Variants in DNAJC11 observed in about 807,000 individuals in gnomAD.
DNAJC11 encodes dnaJ homolog subfamily C member 11.
A neutral mutation model predicts 78.6 loss-of-function variants in DNAJC11; 15 were observed. The observed-to-expected ratio is 0.19, with a 90% CI of 0.13 to 0.29. The LOEUF is 0.29. Among genes scored for constraint, DNAJC11 ranks in the 10% least tolerant of loss-of-function variants. The probability of loss-of-function intolerance (pLI) is 1.00; values close to 1 mark genes in which losing one functional copy is unlikely to be tolerated. For missense variants in DNAJC11, 547 were observed against 709.6 expected (o/e 0.77, Z 2.60); for synonymous variants, 292 against 272.1 (o/e 1.07, Z -0.72).
At chr1:6,684,325 G>A (rs373830024) in intron 1 of DNAJC11, among the ~76,000 whole-genome samples, 2 of 152,152 alleles carry the variant, frequency 1.3e-5, no homozygotes, top group African/African-American at 2.4e-5. Context: ...CAGGTGATCC[G>A]CCCGCCTCGG....
At chr1:6,655,091 C>A (rs2148734609) in intron 4 of DNAJC11, among the ~76,000 whole-genome samples, 1 of 152,288 alleles carries the variant, frequency 6.6e-6, no homozygotes, top group East Asian at 1.9e-4. Context: ...GCCACCGCGC[C>A]CAGCTGGTGC....
chr1:6,636,873 G>C (rs946721035), intron 14 of DNAJC11, among the ~76,000 whole-genome samples: 3 of 152,184 alleles, frequency 2.0e-5, no homozygotes, highest in African/African-American at 7.2e-5. Context: ...TTTTGAGACA[G>C]GGTCTTGCTC....
chr1:6,640,071 C>CAA lies in DNAJC11; in HGVS notation c.1098-16_1098-15dup, dbSNP rs56145914. ...GCCCTGTTGAGCCTGGGGAAAAATA[C>CAA]AAAAAAAAAAAAAAAAAAGCCAAGA... On this transcript the variant is annotated splice_polypyrimidine_tract_variant and intron_variant, in intron 10 of 15. Coordinates refer to ENST00000377577, the MANE Select transcript of DNAJC11 (RefSeq NM_018198.4). The CAA allele has an allele frequency of 0.012, 14,168 of 1,209,922 alleles. 5 individuals carry two copies. Among genetic ancestry groups the CAA allele is most frequent in the South Asian group, 0.03 (1,582 of 52,616 alleles). The allele number at this position is 1,209,922 out of a possible 1,614,324, so 74.9% of individuals were successfully genotyped here. A position where few individuals can be genotyped will look rare whatever the true frequency, so the allele number is the denominator to read the frequency against.
intron 4 of DNAJC11, among the ~76,000 whole-genome samples, chr1:6,656,811 C>T (rs1186805624): frequency 6.6e-6 from 1 of 151,342 alleles, no homozygotes; most frequent in African/African-American, 2.4e-5. Flanking sequence ...GGGAGGATTC[C>T]ACTGGGAGGT....
At position 6,680,750 on chromosome 1, in the gene DNAJC11, T is replaced by C. The variant is rs1175031638; in HGVS notation, c.202+158A>G. Among the ~76,000 whole-genome samples the C allele has an allele frequency of 2.0e-5, 3 of 152,254 alleles. No homozygotes were observed. Among genetic ancestry groups the C allele is most frequent in the African/African-American group, 7.2e-5 (3 of 41,462 alleles). ...CGTATTGATTTCCAAAGCAAAATACTATTCTTTCAAAGGACCCTGTCAGTG... is the reference window on the plus strand; with the variant it reads ...CGTATTGATTTCCAAAGCAAAATACCATTCTTTCAAAGGACCCTGTCAGTG... On this transcript the variant is annotated intron_variant, in intron 2 of 15. Transcript: ENST00000377577. This position sits in a 1 kb window ranked among gnomAD's most constrained non-coding sequence, Gnocchi z 4.0.
chr1:6,694,585 AAAC>A lies in DNAJC11; in HGVS notation c.72+7141_72+7143del, dbSNP rs1302321896. ...TTGTTAACTGGACTCTGCATGCGGT[AAAC>A]AACTGACCTGCTTTTCGGCTGCACC... On this transcript the variant is annotated intron_variant, in intron 1 of 15. Coordinates refer to ENST00000377577, the MANE Select transcript of DNAJC11 (RefSeq NM_018198.4). 2.0e-5 allele frequency among the ~76,000 whole-genome samples: 3 copies of A among 152,158 alleles called. No homozygotes were observed. In the East Asian group the frequency reaches 5.8e-4, roughly 29 times the overall value.
At position 6,653,856 on chromosome 1, in the gene DNAJC11, G is replaced by A; in HGVS notation, c.507+55C>T. 2 of 1,597,894 alleles carry A rather than the reference G, an allele frequency of 1.3e-6. No individual in the cohort carries two copies. The highest frequency in any genetic ancestry group is 1.7e-6 in the Non-Finnish European group (2 of 1,168,380). On this transcript the variant is annotated intron_variant, in intron 5 of 15. Transcript: ENST00000377577. The surrounding 1 kb of genome is among the most constrained non-coding windows in gnomAD (Gnocchi z 4.5). ...TCTCATTCCAGCTGCTTGGTGTGCT[G>A]TGCCTCATTAACTCGAGCCCTTGCT...
chr1:6,636,149 A>G lies in DNAJC11; in HGVS notation c.1622T>C (p.Leu541Pro). Residue 541 changes from leucine (L) to proline (P), a missense_variant, in exon 15 of 16, where the codon CTG becomes CCG. By Grantham distance (98) the Leu-to-Pro change is moderately conservative (BLOSUM62 -3). Transcript: ENST00000377577. ...TGGTATCCGGAGGGCCTCACTGTCCAGCACCATCACCTGATGCAGGACGCC... is the reference window on the plus strand; with the variant it reads ...TGGTATCCGGAGGGCCTCACTGTCCGGCACCATCACCTGATGCAGGACGCC... ...FRGVLHQVMV[L>P]DSEALRIPKQ... The G allele has an allele frequency of 6.2e-7, 1 of 1,614,184 alleles. No individual in the cohort carries two copies. Among genetic ancestry groups the G allele is most frequent in the Non-Finnish European group, 8.5e-7 (1 of 1,180,028 alleles).
chr1:6,690,409 T>C (rs1642726509), intron 1 of DNAJC11, among the ~76,000 whole-genome samples: 1 of 152,214 alleles, frequency 6.6e-6, no homozygotes. Flanking sequence ...CTGGATTTTC[T>C]GGATGAACGG....
chr1:6,640,068 ATAC>A lies in DNAJC11; in HGVS notation c.1098-14_1098-12del, dbSNP rs756771301. The A allele has an allele frequency of 2.0e-5, 30 of 1,511,228 alleles. No homozygotes were observed. Among genetic ancestry groups the A allele is most frequent in the Admixed American group, 5.0e-5 (2 of 40,010 alleles). 93.6% of individuals were successfully genotyped at this position (1,511,228 alleles called of 1,614,324 possible). On this transcript the variant is annotated splice_polypyrimidine_tract_variant and intron_variant, in intron 10 of 15. Transcript: ENST00000377577. The stretch of plus-strand genomic sequence containing the variant: ...CTGGCCCTGTTGAGCCTGGGGAAAA[ATAC>A]AAAAAAAAAAAAAAAAAAGCCAAGA...
At chr1:6,639,425 G>T (rs1245407937) in intron 11 of DNAJC11, among the ~76,000 whole-genome samples, 1 of 151,748 alleles carries the variant, frequency 6.6e-6, no homozygotes, top group Non-Finnish European at 1.5e-5. Flanking sequence ...CACCTCCCAG[G>T]TTCAAGCAAT....
chr1:6,664,440 G>A (rs1002897796), intron 4 of DNAJC11, among the ~76,000 whole-genome samples: 12 of 152,084 alleles, frequency 7.9e-5, no homozygotes, highest in East Asian at 7.7e-4. Context: ...GGGTTTCACC[G>A]TGTTAGCCAG....
chr1:6,638,000 C>A, intron 12 of DNAJC11: 1 of 391,430 alleles, frequency 2.6e-6, no homozygotes, highest in Non-Finnish European at 4.6e-6. Context: ...GCAGTATGCT[C>A]GCCACATACC....
In DNAJC11 at chr1:6,634,432, C is replaced by G. The variant is rs1641714205; in HGVS notation, c.*1243G>C. 1 of 1,266,988 alleles carries G rather than the reference C, an allele frequency of 7.9e-7. No homozygotes were observed. The allele number at this position is 1,266,988 out of a possible 1,614,324, so 78.5% of individuals were successfully genotyped here. ...AGGAAGGAGGTTCTTAGCCGTTACT[C>G]AGATACCAGTGCTGGGGAGGGAGGC... is the stretch of plus-strand genomic sequence containing the variant. On this transcript the variant is annotated 3_prime_UTR_variant, in exon 16 of 16. Transcript: ENST00000377577.
At chr1:6,679,648 T>G (rs1642525257) in intron 2 of DNAJC11, among the ~76,000 whole-genome samples, 2 of 152,208 alleles carry the variant, frequency 1.3e-5, no homozygotes, top group South Asian at 2.1e-4. Flanking sequence ...GGAGCCAAAC[T>G]TGTGTTCCTC....
chr1:6,663,143 G>C (rs541409424), intron 4 of DNAJC11, among the ~76,000 whole-genome samples: 112 of 152,280 alleles, frequency 7.4e-4, no homozygotes, highest in African/African-American at 2.4e-3. Context: ...GAGTTTTCTA[G>C]ATCAGAGAGG....
chr1:6,663,147 A>G (rs1365232833), intron 4 of DNAJC11, among the ~76,000 whole-genome samples: 1 of 152,234 alleles, frequency 6.6e-6, no homozygotes, highest in Admixed American at 6.5e-5. Context: ...TTTCTAGATC[A>G]GAGAGGTCTT....
intron 1 of DNAJC11, among the ~76,000 whole-genome samples, chr1:6,691,373 T>C (rs982949946): frequency 3.9e-5 from 6 of 152,128 alleles, no homozygotes; most frequent in Non-Finnish European, 8.8e-5. Context: ...TCTGCTACCA[T>C]TGTACAACTT....
rs1346695800 is a variant in DNAJC11 at position 6,653,095 on chromosome 1, G to T, written c.508-144C>A. The T allele has an allele frequency of 4.3e-6, 4 of 925,954 alleles. No individual in the cohort carries two copies. The highest frequency in any genetic ancestry group is 3.2e-5 in the South Asian group (2 of 62,238). 57.4% of individuals were successfully genotyped at this position (925,954 alleles called of 1,614,324 possible). On this transcript the variant is annotated intron_variant, in intron 5 of 15. Coordinates refer to ENST00000377577, the MANE Select transcript of DNAJC11 (RefSeq NM_018198.4). This position sits in a 1 kb window ranked among gnomAD's most constrained non-coding sequence, Gnocchi z 4.5. ...AAGCACACATGGATGCAGAACTGCC[G>T]CAACAGCTTCACTTTTCTTCCGCTT...
Sources: allele counts gnomAD v4.1 joint callset (sites outside exome capture counted in the v4.1 genomes callset), GRCh38; gene constraint gnomAD v4.1.1; non-coding constraint Gnocchi (gnomAD v3.1); transcripts MANE v1.5; gene names NCBI Gene and HGNC (gene_info 2026-07-23, HGNC 2026-07-21).